BTK: variants seen among roughly 807,000 people sequenced by gnomAD.
The protein encoded by BTK is Bruton tyrosine kinase, also known as tyrosine-protein kinase BTK.
A neutral mutation model predicts 57.4 loss-of-function variants in BTK; 5 were observed. The ratio of observed to expected loss-of-function variants is 0.09; its 90% confidence interval spans 0.05 to 0.18. The LOEUF is 0.18. BTK is among the 10% of genes least tolerant of loss of function. The pLI is 1.00. For missense variants in BTK, 194 were observed against 501.2 expected (o/e 0.39, Z 5.85); for synonymous variants, 154 against 174.3 (o/e 0.88, Z 0.92).
At chrX:101,372,453 AT>A (rs1213468686) in intron 3 of BTK, among the ~76,000 whole-genome samples, 1,409 of 104,995 alleles carry the variant, frequency 0.013, 28 homozygotes, top group African/African-American at 0.046. Flanking sequence ...ATAAAATGCT[AT>A]TTTTTTTTTT....
At chrX:101,376,100 T>G (rs1927206425) in intron 1 of BTK, among the ~76,000 whole-genome samples, 1 of 111,246 alleles carries the variant, frequency 9.0e-6, no homozygotes, top group Admixed American at 9.6e-5. Flanking sequence ...TCTGTTCATT[T>G]ATGAAACACA....
chrX:101,362,251 A>G lies in BTK; in HGVS notation c.521-11T>C, dbSNP rs1926696577. 1 of 1,210,870 alleles carries G rather than the reference A, an allele frequency of 8.3e-7. No individual in the cohort carries two copies. The highest frequency in any genetic ancestry group is 1.1e-6 in the Non-Finnish European group (1 of 894,391). Reference sequence around the variant, plus strand: ...TCCCAGGTTTTAAGCCTGCAAAACAAGAAGCCAGTGATGATATGGAATGCA... The same window carrying G: ...TCCCAGGTTTTAAGCCTGCAAAACAGGAAGCCAGTGATGATATGGAATGCA... On this transcript the variant is annotated splice_polypyrimidine_tract_variant and intron_variant, in intron 6 of 18. Transcript: ENST00000308731.
At chrX:101,358,205 T>G (rs1555978109) in intron 12 of BTK, 105 bp downstream of exon 12, 1 of 1,124,697 alleles carries the variant, frequency 8.9e-7, no homozygotes, top group Non-Finnish European at 1.2e-6. Context: ...CCTTTCACAG[T>G]GAATTCACAC....
At chrX:101,372,688 G>A (rs905755684) in intron 3 of BTK, among the ~76,000 whole-genome samples, 13 of 108,317 alleles carry the variant, frequency 1.2e-4, no homozygotes, top group Non-Finnish European at 7.7e-5. Context: ...CTCATGATCC[G>A]CCTGCCTTGG....
At chrX:101,372,954 G>T in intron 3 of BTK, among the ~76,000 whole-genome samples, 1 of 107,174 alleles carries the variant, frequency 9.3e-6, no homozygotes, top group East Asian at 3.0e-4. Context: ...TGTGGTGGTG[G>T]GCGCCTGTAG....
rs1207739633 is a variant in BTK at position 101,367,474 on chromosome X, A to G, written c.391+2524T>C. Among the ~76,000 whole-genome samples, 3 of 106,569 alleles carry G rather than the reference A, an allele frequency of 2.8e-5. No individual in the cohort carries two copies. The East Asian group carries it at 9.0e-4, about 32-fold the overall frequency. 92.5% of individuals were successfully genotyped at this position (106,569 alleles called of 115,157 possible). Reference sequence around the variant, plus strand: ...AACATGGTGAAACCCTGTCGCTACTAAAAATACAAAAATTAGCTGGGCATG... The same window carrying G: ...AACATGGTGAAACCCTGTCGCTACTGAAAATACAAAAATTAGCTGGGCATG... On this transcript the variant is annotated intron_variant, in intron 5 of 18. Coordinates refer to ENST00000308731, the MANE Select transcript of BTK (RefSeq NM_000061.3).
At chrX:101,383,229 A>G (rs782709997) in intron 1 of BTK, among the ~76,000 whole-genome samples, 23 of 111,595 alleles carry the variant, frequency 2.1e-4, no homozygotes, top group African/African-American at 6.5e-4. Context: ...GTATGCATGT[A>G]TGTATGTATC....
chrX:101,384,840 G>A (rs1012140740), intron 1 of BTK, among the ~76,000 whole-genome samples: 2 of 111,712 alleles, frequency 1.8e-5, no homozygotes, highest in East Asian at 2.8e-4. Flanking sequence ...AGGCTCCAGA[G>A]AGGCTGGAGT....
chrX:101,389,093 T>A (rs1569299600), upstream of BTK, among the ~76,000 whole-genome samples: 1 of 111,685 alleles, frequency 9.0e-6, no homozygotes, highest in Non-Finnish European at 1.9e-5. Flanking sequence ...TATTGAAATT[T>A]GATAAGAGAG....
intron 1 of BTK, among the ~76,000 whole-genome samples, chrX:101,379,170 A>T (rs1379865000): frequency 5.3e-5 from 4 of 75,123 alleles, no homozygotes; most frequent in African/African-American, 3.0e-4. Context: ...AAAAAAATAA[A>T]AAATAAAAAT....
Position 101,370,040 on chromosome X carries a change from T to A in BTK, c.349A>T (p.Thr117Ser), listed in dbSNP as rs782820524. 3 of 1,209,218 alleles carry A rather than the reference T, an allele frequency of 2.5e-6. No individual in the cohort carries two copies. The African/African-American group carries it at 5.3e-5, about 21-fold the overall frequency. The part of the protein sequence containing the change: ...DEGPLYVFSP[T>S]EELRKRWIHQ... The stretch of plus-strand genomic sequence containing the variant: ...ATCCACCGCTTCCTTAGTTCTTCAG[T>A]TGGGGAGAAGACGTAGAGAGGCCCT... Residue 117 changes from threonine (T) to serine (S), a missense_variant, in exon 5 of 19, where the codon ACT (threonine) becomes TCT (serine). Physicochemically the swap from Thr to Ser is moderately conservative, Grantham distance 58 (BLOSUM62 1). Coordinates refer to ENST00000308731, the MANE Select transcript of BTK (RefSeq NM_000061.3).
At chrX:101,355,931 T>C (rs1276930083) in intron 15 of BTK, 121 bp downstream of exon 15, 1 of 754,079 alleles carries the variant, frequency 1.3e-6, no homozygotes, top group African/African-American at 2.1e-5. Context: ...CTTATAGTAC[T>C]TTCTAGATAA....
chrX:101,355,527 T>A (rs1339522543), intron 15 of BTK: 1 of 129,437 alleles, frequency 7.7e-6, no homozygotes, highest in African/African-American at 3.3e-5. Flanking sequence ...TTCGTGAGAA[T>A]GTGGACCTGG....
At chrX:101,378,811 T>C (rs1664219877) in intron 1 of BTK, among the ~76,000 whole-genome samples, 1 of 111,279 alleles carries the variant, frequency 9.0e-6, no homozygotes, top group Non-Finnish European at 1.9e-5. Context: ...TTAATAGAAA[T>C]AGCACTTGCA....
chrX:101,358,020 G>C, intron 12 of BTK: 1 of 440,552 alleles, frequency 2.3e-6, no homozygotes, highest in Non-Finnish European at 4.1e-6. Context: ...TGAGGAAATC[G>C]CTGAGTACAC....
chrX:101,351,170 A>G (rs1172037649), intron 18 of BTK, among the ~76,000 whole-genome samples: 2 of 111,183 alleles, frequency 1.8e-5, no homozygotes, highest in African/African-American at 6.5e-5. Context: ...TAATTTTTGT[A>G]TTTTTAGTAG....
intron 1 of BTK, among the ~76,000 whole-genome samples, chrX:101,380,110 A>G (rs1021125290): frequency 1.8e-5 from 2 of 110,717 alleles, no homozygotes; most frequent in South Asian, 3.8e-4. Context: ...GATCAAATAT[A>G]CCTTCTATTT....
chrX:101,368,418 G>A (rs782000902), intron 5 of BTK, among the ~76,000 whole-genome samples: 1 of 111,877 alleles, frequency 8.9e-6, no homozygotes, highest in African/African-American at 3.2e-5. Flanking sequence ...ACCAAGCAGC[G>A]CAAAACTATG....
chrX:101,367,230 T>A, intron 5 of BTK, among the ~76,000 whole-genome samples: 1 of 93,868 alleles, frequency 1.1e-5, no homozygotes. Context: ...GGCAACAGAG[T>A]GAGACTCCAT....
Sources: gnomAD v4.1 joint callset for allele counts (sites outside exome capture counted in the v4.1 genomes callset) on GRCh38, gnomAD v4.1.1 for gene constraint, MANE v1.5 for transcripts, NCBI Gene and HGNC (gene_info 2026-07-23, HGNC 2026-07-21) for gene names.